Variants in GRIP1 observed in about 807,000 individuals in gnomAD.
GRIP1 encodes the protein glutamate receptor interacting protein 1.
In GRIP1, 45 loss-of-function variants were observed where a neutral mutation model predicts 129.9. That is an observed-to-expected ratio of 0.35 (90% CI 0.27 to 0.44). The LOEUF is 0.44. Among genes scored for constraint, GRIP1 ranks in the 20% least tolerant of loss-of-function variants. The pLI is 1.00. For missense variants in GRIP1, 1,196 were observed against 1,396.8 expected, an observed-to-expected ratio of 0.86 and a Z score of 2.29; for synonymous variants, 530 against 520.8, an observed-to-expected ratio of 1.02 and a Z score of -0.24.
chr12:66,974,250 C>A (rs2042120101), intron 1 of GRIP1, among the ~76,000 whole-genome samples: 1 of 152,086 alleles, frequency 6.6e-6, no homozygotes, highest in Non-Finnish European at 1.5e-5. Flanking sequence ...ATTACCTTCT[C>A]TGTGAAATGA....
At chr12:66,651,668 C>T (rs1301108704) in intron 1 of GRIP1, among the ~76,000 whole-genome samples, 1 of 152,046 alleles carries the variant, frequency 6.6e-6, no homozygotes, top group South Asian at 2.1e-4. Flanking sequence ...TTTACCGGCA[C>T]ACTGGCAACA....
At chr12:67,047,678 C>A (rs891858739) in intron 1 of GRIP1, among the ~76,000 whole-genome samples, 1 of 152,146 alleles carries the variant, frequency 6.6e-6, no homozygotes, top group Non-Finnish European at 1.5e-5. Context: ...ATTACCGAAG[C>A]ACTGCACATT....
At chr12:66,400,000 T>A (rs2056927678) in intron 16 of GRIP1, among the ~76,000 whole-genome samples, 1 of 151,974 alleles carries the variant, frequency 6.6e-6, no homozygotes, top group African/African-American at 2.4e-5. Context: ...AAGTGTTGAG[T>A]GTTTCAGAGT....
intron 1 of GRIP1, among the ~76,000 whole-genome samples, chr12:66,867,501 A>C (rs2040226964): frequency 6.6e-6 from 1 of 152,154 alleles, no homozygotes; most frequent in Non-Finnish European, 1.5e-5. Flanking sequence ...GGGTCCTACG[A>C]AAGATTTCAA....
intron 7 of GRIP1, among the ~76,000 whole-genome samples, chr12:66,514,192 C>T (rs143768269): frequency 6.6e-6 from 1 of 152,224 alleles, no homozygotes; most frequent in Admixed American, 6.5e-5. Context: ...AGAGCAGGGA[C>T]CAGGTCTATT....
intron 2 of GRIP1, among the ~76,000 whole-genome samples, chr12:66,560,858 T>C (rs1414618793): frequency 6.6e-6 from 1 of 152,078 alleles, no homozygotes; most frequent in Non-Finnish European, 1.5e-5. Flanking sequence ...AGAAAGGAAA[T>C]TGATATATCA....
At chr12:66,490,763 T>C (rs1266188360) in intron 7 of GRIP1, among the ~76,000 whole-genome samples, 1 of 151,640 alleles carries the variant, frequency 6.6e-6, no homozygotes, top group African/African-American at 2.4e-5. Flanking sequence ...AAAACAAATT[T>C]ATAAGAAAAA....
intron 1 of GRIP1, among the ~76,000 whole-genome samples, chr12:67,054,693 G>C (rs1241092800): frequency 2.6e-5 from 4 of 151,926 alleles, no homozygotes; most frequent in East Asian, 1.9e-4. Flanking sequence ...GAACCCGGGA[G>C]GTAGAGGCTG....
At chr12:66,835,197 A>G (rs1294993816) in intron 1 of GRIP1, among the ~76,000 whole-genome samples, 2 of 152,230 alleles carry the variant, frequency 1.3e-5, no homozygotes, top group Admixed American at 6.5e-5. Context: ...CAATAAAGAT[A>G]CAGAGCAACA....
At chr12:66,642,699 G>C (rs189158913) in intron 1 of GRIP1, among the ~76,000 whole-genome samples, 4 of 152,238 alleles carry the variant, frequency 2.6e-5, no homozygotes, top group Middle Eastern at 3.4e-3. Context: ...TGCAAATTAT[G>C]AACAATGATT....
chr12:66,404,521 T>C (rs998688801), intron 16 of GRIP1, among the ~76,000 whole-genome samples: 5 of 152,324 alleles, frequency 3.3e-5, no homozygotes, highest in African/African-American at 9.6e-5. Flanking sequence ...GGTTTCTTTA[T>C]GTTGCCCCTC....
At chr12:66,777,432 C>CT (rs1218853724) in intron 1 of GRIP1, among the ~76,000 whole-genome samples, 2 of 152,146 alleles carry the variant, frequency 1.3e-5, no homozygotes, top group African/African-American at 4.8e-5. Context: ...TCTGAGCACC[C>CT]TATTTGTGAT....
At chr12:67,000,087 T>C (rs2042529134) in intron 1 of GRIP1, among the ~76,000 whole-genome samples, 1 of 152,188 alleles carries the variant, frequency 6.6e-6, no homozygotes, top group African/African-American at 2.4e-5. Flanking sequence ...CATTACTCTT[T>C]TCACATGTTT....
chr12:66,972,234 A>G (rs1266903337), intron 1 of GRIP1, among the ~76,000 whole-genome samples: 1 of 152,232 alleles, frequency 6.6e-6, no homozygotes, highest in Non-Finnish European at 1.5e-5. Flanking sequence ...ACTCTTCTAC[A>G]TCACTCCAAA....
chr12:66,456,358 G>C lies in GRIP1; in HGVS notation c.1043-16C>G. 7.9e-7 allele frequency: 1 copy of C among 1,269,782 alleles called. No homozygotes were observed. The allele number at this position is 1,269,782 out of a possible 1,614,324, so 78.7% of individuals were successfully genotyped here. On this transcript the variant is annotated splice_polypyrimidine_tract_variant and intron_variant, in intron 9 of 24. Coordinates refer to ENST00000359742, the MANE Select transcript of GRIP1 (RefSeq NM_001366722.1). Reference sequence around the variant, plus strand: ...TGAATTTTCACTGCCCATATGAAGTGATGATGAAAAATAAGAAAAACAAAC... The same window carrying C: ...TGAATTTTCACTGCCCATATGAAGTCATGATGAAAAATAAGAAAAACAAAC...
chr12:66,541,244 C>T (rs2061771837), intron 3 of GRIP1, among the ~76,000 whole-genome samples: 1 of 152,216 alleles, frequency 6.6e-6, no homozygotes, highest in Non-Finnish European at 1.5e-5. Context: ...GTGGAATTTG[C>T]AGTTCATGGA....
At chr12:66,476,185 T>A (rs1006558143) in intron 7 of GRIP1, among the ~76,000 whole-genome samples, 1 of 151,866 alleles carries the variant, frequency 6.6e-6, no homozygotes, top group African/African-American at 2.4e-5. Flanking sequence ...AAAGGGGATA[T>A]CACCACCGAT....
At chr12:66,457,901 A>G (rs2059015699) in intron 9 of GRIP1, among the ~76,000 whole-genome samples, 1 of 152,210 alleles carries the variant, frequency 6.6e-6, no homozygotes, top group African/African-American at 2.4e-5. Context: ...AGATCATGAA[A>G]TCATCTACCT....
At chr12:66,517,662 T>C (rs984175650) in intron 6 of GRIP1, among the ~76,000 whole-genome samples, 3 of 152,118 alleles carry the variant, frequency 2.0e-5, no homozygotes, top group Admixed American at 6.5e-5. Context: ...ACATTTCCAA[T>C]GGTGGTGGAA....
Sources: allele counts gnomAD v4.1 joint callset (sites outside exome capture counted in the v4.1 genomes callset), GRCh38; gene constraint gnomAD v4.1.1; transcripts MANE v1.5; gene names NCBI Gene and HGNC (gene_info 2026-07-23, HGNC 2026-07-21).